AIRE: variants seen among roughly 807,000 people sequenced by gnomAD.
AIRE encodes the protein autoimmune regulator, also known as autoimmune polyendocrinopathy candidiasis ectodermal dystrophy protein.
AIRE carries 52 observed loss-of-function variants against 62.1 expected under a neutral mutation model. The ratio of observed to expected loss-of-function variants is 0.84; its 90% CI spans 0.67 to 1.06. The LOEUF (loss-of-function observed/expected upper bound fraction) is 1.06, where lower values mean the gene tolerates loss of function less well. AIRE is among the 50% of genes least tolerant of loss of function. AIRE has a pLI of 0.00. For missense variants in AIRE, 774 were observed against 755.8 expected, an observed-to-expected ratio of 1.02 and a Z score of -0.28; for synonymous variants, 342 against 321.6, an observed-to-expected ratio of 1.06 and a Z score of -0.68.
chr21:44,294,633 ACCATGTG>A, intron 12 of AIRE, 130 bp downstream of exon 12: 1 of 459,266 alleles, frequency 2.2e-6, no homozygotes, highest in Non-Finnish European at 3.8e-6. Context: ...AGACGCACTG[ACCATGTG>A]CTCATTATCT....
intron 10 of AIRE, 133 bp from the exon 11 acceptor site, chr21:44,293,656 A>G: frequency 2.8e-6 from 4 of 1,425,790 alleles, no homozygotes; most frequent in Non-Finnish European, 3.8e-6. Flanking sequence ...TGGCACCGTG[A>G]GGCTCCTCAC....
chr21:44,295,095 T>TC (rs1568930728), intron 12 of AIRE, among the ~76,000 whole-genome samples: 1 of 148,920 alleles, frequency 6.7e-6, no homozygotes, highest in Non-Finnish European at 1.5e-5. Flanking sequence ...TGCAGGAGCC[T>TC]CCGGGGGGGT....
At chr21:44,290,959 C>T (rs1168900901) in intron 7 of AIRE, 136 bp from the exon 8 acceptor site, 1 of 1,612,468 alleles carries the variant, frequency 6.2e-7, no homozygotes. Flanking sequence ...GCCCTGGCAG[C>T]ATGGGAGCAG....
intron 10 of AIRE, 42 bp from the exon 11 acceptor site, chr21:44,293,747 C>A: frequency 6.3e-7 from 1 of 1,594,070 alleles, no homozygotes; most frequent in Non-Finnish European, 8.5e-7. Context: ...AGCTACATTT[C>A]CCCCGGCCCC....
Position 44,294,381 on chromosome 21 carries a change from C to T in AIRE, c.1401-20C>T. The stretch of plus-strand genomic sequence containing the variant: ...TCCTGCTCCCCCCCAGGGCTGGCAG[C>T]CCCTCATCCTCTGCTGCAGGACGGG... On this transcript the variant is annotated intron_variant, in intron 11 of 13. Transcript: ENST00000291582. 6.5e-7 allele frequency: 1 copy of T among 1,533,980 alleles called. No homozygotes were observed. Among genetic ancestry groups the T allele is most frequent in the South Asian group, 1.2e-5 (1 of 84,426 alleles).
intron 6 of AIRE, 35 bp downstream of exon 6, chr21:44,289,837 T>C: frequency 6.2e-7 from 1 of 1,611,796 alleles, no homozygotes; most frequent in Non-Finnish European, 8.5e-7. Context: ...AGCCTGGCTC[T>C]TGATGCCCCC....
In AIRE at chr21:44,293,010, G is replaced by T; in HGVS notation, c.1113G>T (p.Arg371Ser). 6.2e-7 allele frequency: 1 copy of T among 1,612,496 alleles called. No individual in the cohort carries two copies. The highest frequency in any genetic ancestry group is 1.3e-5 in the African/African-American group (1 of 75,030). Residue 371 changes from arginine (R) to serine (S), a missense_variant, in exon 10 of 14, where the codon AGG becomes AGT. Around this residue, in one of 3 missense-constraint regions of AIRE, gnomAD observed 354 missense variants for 296.1 expected, o/e 1.20. Coordinates refer to ENST00000291582, the MANE Select transcript of AIRE (RefSeq NM_000383.4). ...PVETPLPPGL[R>S]SAGEEVRGPP... ...GGTTCCAGCTCCCCCCGGGGCTTAGGTCGGCGGGAGAGGAGGTAAGAGGTC... is the reference window on the plus strand; with the variant it reads ...GGTTCCAGCTCCCCCCGGGGCTTAGTTCGGCGGGAGAGGAGGTAAGAGGTC...
In AIRE at chr21:44,287,070, G is replaced by A; in HGVS notation, c.400G>A (p.Ala134Thr). 6.2e-7 allele frequency: 1 copy of A among 1,612,756 alleles called. No individual in the cohort carries two copies. Among genetic ancestry groups the A allele is most frequent in the African/African-American group, 1.3e-5 (1 of 75,048 alleles). ...ACCCAGACTCCCCACCAAGAGGAAG[G>A]CCTCAGAAGAGGCTCGAGCTGCCGC... ...PPPRLPTKRK[A>T]SEEARAAAPA... Residue 134 changes from alanine to threonine, a missense_variant, in exon 3 of 14, where the codon GCC (alanine) becomes ACC (threonine). Physicochemically the swap from Ala to Thr is moderately conservative, Grantham distance 58. This residue lies in a region of AIRE where 385 missense variants were observed against 396.0 expected (regional missense o/e 0.97). Transcript: ENST00000291582. This position sits in a 1 kb window ranked among gnomAD's most constrained non-coding sequence, Gnocchi z 4.3.
chr21:44,288,779 C>T, intron 5 of AIRE: 1 of 319,826 alleles, frequency 3.1e-6, no homozygotes, highest in Non-Finnish European at 5.9e-6. Context: ...TCTGCCTGTG[C>T]TGCTGAGACC....
chr21:44,294,038 C>T (rs2040577586), intron 11 of AIRE, 128 bp downstream of exon 11: 1 of 1,284,530 alleles, frequency 7.8e-7, no homozygotes, highest in South Asian at 1.4e-5. Flanking sequence ...CCACCCACAC[C>T]TTGCACCCCA....
intron 13 of AIRE, among the ~76,000 whole-genome samples, chr21:44,296,836 G>T (rs1203979426): frequency 3.3e-5 from 5 of 151,130 alleles, no homozygotes; most frequent in African/African-American, 4.9e-5. Flanking sequence ...TGGGGGGGGG[G>T]TCCCAGACCC....
chr21:44,293,142 C>T lies in AIRE; in HGVS notation c.1245C>T (p.His415=). 1.3e-6 allele frequency: 2 copies of T among 1,582,802 alleles called. No homozygotes were observed. The highest frequency in any genetic ancestry group is 1.7e-6 in the Non-Finnish European group (2 of 1,164,726). The change falls in exon 10 of 14, where the codon CAC becomes CAT. Residue 415 remains histidine, a synonymous_variant. Coordinates refer to ENST00000291582, the MANE Select transcript of AIRE (RefSeq NM_000383.4). ...CAGGGCTGGACTCCTCGGCCCTGCA[C>T]CCCCTACTGTGTGTGGGTCCTGAGG... ...PLPGLDSSAL[H]PLLCVGPEGQ...
chr21:44,293,130 C>T lies in AIRE; in HGVS notation c.1233C>T (p.Ser411=), dbSNP rs1446995144. Residue 411 remains serine (S), a synonymous_variant, in exon 10 of 14, where the codon TCC becomes TCT. Transcript: ENST00000291582. ...CAGCCCCGCTGCCAGGGCTGGACTC[C>T]TCGGCCCTGCACCCCCTACTGTGTG... ...PSAAPLPGLD[S]SALHPLLCVG... is the part of the protein sequence containing the mutation. 45 of 1,592,264 alleles carry T rather than the reference C, an allele frequency of 2.8e-5. No homozygotes were observed. Among genetic ancestry groups the T allele is most frequent in the Non-Finnish European group, 3.8e-5 (45 of 1,170,060 alleles).
At chr21:44,294,342 C>T in intron 11 of AIRE, 59 bp from the exon 12 acceptor site, 2 of 1,208,276 alleles carry the variant, frequency 1.7e-6, no homozygotes, top group Non-Finnish European at 2.3e-6. Context: ...CACCCCATAC[C>T]CCGGAGGTGG....
At chr21:44,290,214 A>C in intron 7 of AIRE, 146 bp downstream of exon 7, 1 of 1,491,622 alleles carries the variant, frequency 6.7e-7, no homozygotes, top group Non-Finnish European at 8.9e-7. Context: ...TTTCTTTAAT[A>C]GACAGTATTT....
rs1408489965 is a variant in AIRE, at chr21:44,293,862, C to T, written c.1352C>T (p.Ala451Val). Residue 451 changes from alanine to valine, a missense_variant, in exon 11 of 14, where the codon GCT (alanine) becomes GTT (valine). Physicochemically the swap from Ala to Val is moderately conservative, Grantham distance 64. Around this residue, in one of 3 missense-constraint regions of AIRE, gnomAD observed 354 missense variants for 296.1 expected, o/e 1.20. Transcript: ENST00000291582. ...GTGCTGCGGTGTACTCACTGCGCCG[C>T]TGCCTTCCACTGGCGCTGCCACTTC... ...TDVLRCTHCA[A>V]AFHWRCHFPA... 1 of 1,596,628 alleles carries T rather than the reference C, an allele frequency of 6.3e-7. No homozygotes were observed. Among genetic ancestry groups the T allele is most frequent in the Non-Finnish European group, 8.5e-7 (1 of 1,179,534 alleles).
In AIRE at chr21:44,297,053, G is replaced by A. The variant is rs947915779; in HGVS notation, c.1567-603G>A. Among the ~76,000 whole-genome samples, 3 of 152,206 alleles carry A rather than the reference G, an allele frequency of 2.0e-5. No individual in the cohort carries two copies. Among genetic ancestry groups the A allele is most frequent in the African/African-American group, 7.2e-5 (3 of 41,460 alleles). On this transcript the variant is annotated intron_variant, in intron 13 of 13. Transcript: ENST00000291582. This position sits in a 1 kb window ranked among gnomAD's most constrained non-coding sequence, Gnocchi z 4.8. ...GACCATGGGGCAGGGGTTCTGCCCT[G>A]TGCAGTGGCCGTGCCCCACACACCC...
chr21:44,294,718 C>T (rs1462010229), intron 12 of AIRE, among the ~76,000 whole-genome samples: 2 of 152,212 alleles, frequency 1.3e-5, no homozygotes, highest in East Asian at 3.8e-4. Flanking sequence ...AGGAAGCTCC[C>T]CCCGAGGGTT....
chr21:44,291,988 G>A (rs943291433), intron 8 of AIRE, among the ~76,000 whole-genome samples: 8 of 152,204 alleles, frequency 5.3e-5, no homozygotes, highest in African/African-American at 1.7e-4. Flanking sequence ...GGTCAGTTTA[G>A]GGAGGCCCCC....
Sources: allele counts gnomAD v4.1 joint callset (sites outside exome capture counted in the v4.1 genomes callset), GRCh38; gene constraint gnomAD v4.1.1; regional missense constraint gnomAD v4.1.1; non-coding constraint Gnocchi (gnomAD v3.1); transcripts MANE v1.5; gene names NCBI Gene and HGNC (gene_info 2026-07-23, HGNC 2026-07-21).